The following LARP1B variants were observed in gnomAD, a reference collection of about 807,000 sequenced individuals.
LARP1B encodes the protein La ribonucleoprotein 1B, also known as la-related protein 1B.
LARP1B carries 76 observed loss-of-function variants against 114.2 expected under a neutral mutation model. The ratio of observed to expected loss-of-function variants is 0.67; its 90% CI spans 0.55 to 0.81. The LOEUF is 0.81. Among genes scored for constraint, LARP1B ranks in the 30% least tolerant of loss-of-function variants. The pLI is 0.00. For synonymous variants in LARP1B, 345 were observed against 348.0 expected (o/e 0.99, Z 0.10); for missense variants, 1,014 against 1,075.8 (o/e 0.94, Z 0.80).
chr4:128,155,495 A>C, intron 11 of LARP1B: 2 of 788,452 alleles, frequency 2.5e-6, no homozygotes, highest in Non-Finnish European at 4.6e-6. Context: ...CAGAAGTTCC[A>C]CCTCGTGCCA....
chr4:128,081,038 T>G (rs944031685), intron 4 of LARP1B, among the ~76,000 whole-genome samples: 25 of 151,784 alleles, frequency 1.6e-4, no homozygotes, highest in African/African-American at 6.0e-4. Flanking sequence ...TAAAAAAGCC[T>G]AAGAATCAAG....
At chr4:128,212,912 C>CTTTTTTTTTTTT (rs1174891101), downstream of LARP1B, among the ~76,000 whole-genome samples, 2 of 83,740 alleles carry the variant, frequency 2.4e-5, no homozygotes, top group African/African-American at 4.8e-5. Context: ...AAATCTCTCT[C>CTTTTTTTTTTTT]TTTTTTTTTT....
chr4:128,176,450 C>T (rs948101838), intron 12 of LARP1B, among the ~76,000 whole-genome samples: 34 of 151,452 alleles, frequency 2.2e-4, no homozygotes, highest in African/African-American at 7.3e-5. Context: ...CCTGCTACCA[C>T]GCCTGGCTAA....
At chr4:128,145,562 C>T (rs1465920514) in intron 11 of LARP1B, among the ~76,000 whole-genome samples, 1 of 152,196 alleles carries the variant, frequency 6.6e-6, no homozygotes, top group South Asian at 2.1e-4. Context: ...TATTGCCCCC[C>T]TCTTCCCTGC....
At chr4:128,077,696 G>T in intron 3 of LARP1B, 92 bp from the exon 4 acceptor site, 1 of 1,293,748 alleles carries the variant, frequency 7.7e-7, no homozygotes, top group Middle Eastern at 2.9e-4. Context: ...CATTTGTTTT[G>T]CAATTTTAGG....
downstream of LARP1B, among the ~76,000 whole-genome samples, chr4:128,214,505 G>A (rs542477955): frequency 2.6e-5 from 4 of 152,168 alleles, no homozygotes; most frequent in East Asian, 1.9e-4. Context: ...CCTGACCCCC[G>A]AGCAGCCTAA....
intron 11 of LARP1B, chr4:128,123,341 G>C: frequency 1.0e-6 from 1 of 985,248 alleles, no homozygotes; most frequent in Non-Finnish European, 1.2e-6. Flanking sequence ...GTCTTTCCTA[G>C]TGTAAGCATT....
chr4:128,163,023 C>T (rs1739174845), intron 12 of LARP1B, among the ~76,000 whole-genome samples: 1 of 152,030 alleles, frequency 6.6e-6, no homozygotes. Flanking sequence ...AATAGCAGGA[C>T]ATTATCATAT....
chr4:128,179,760 A>G (rs1050565593), intron 15 of LARP1B, among the ~76,000 whole-genome samples: 1 of 152,106 alleles, frequency 6.6e-6, no homozygotes, highest in Non-Finnish European at 1.5e-5. Context: ...TTTATAAGCT[A>G]TGTAGGTCTA....
intron 11 of LARP1B, among the ~76,000 whole-genome samples, chr4:128,142,048 A>G (rs1406272748): frequency 2.6e-5 from 4 of 152,172 alleles, no homozygotes; most frequent in African/African-American, 7.2e-5. Flanking sequence ...ATAGCTTCAT[A>G]CTGACTTGTC....
intron 11 of LARP1B, chr4:128,123,137 G>A: frequency 1.0e-6 from 1 of 985,384 alleles, no homozygotes; most frequent in Non-Finnish European, 1.2e-6. Context: ...AAGTGTGCTA[G>A]CCTTCTTGGC....
chr4:128,083,312 G>T (rs1263001201), intron 5 of LARP1B, among the ~76,000 whole-genome samples: 1 of 152,004 alleles, frequency 6.6e-6, no homozygotes, highest in Non-Finnish European at 1.5e-5. Context: ...ATCCTGGCCC[G>T]TTCTCAATGA....
At chr4:128,069,709 G>A (rs1315029342) in intron 1 of LARP1B, 1 of 341,030 alleles carries the variant, frequency 2.9e-6, no homozygotes, top group South Asian at 3.8e-5. Context: ...TGTATTTATG[G>A]TTGTTTTTTG....
intron 5 of LARP1B, among the ~76,000 whole-genome samples, chr4:128,088,847 T>G (rs982789326): frequency 6.7e-6 from 1 of 149,782 alleles, no homozygotes; most frequent in African/African-American, 2.4e-5. Context: ...ACACCTGTAA[T>G]CCCAACACTT....
chr4:128,153,766 A>G (rs535922104), intron 11 of LARP1B, among the ~76,000 whole-genome samples: 1 of 152,234 alleles, frequency 6.6e-6, no homozygotes, highest in East Asian at 1.9e-4. Flanking sequence ...GGACTCTAGA[A>G]CTATATTACC....
In LARP1B at chr4:128,210,749, TG is replaced by T; in HGVS notation, c.*698del. 1.0e-6 allele frequency: 1 copy of T among 985,266 alleles called. No individual in the cohort carries two copies. Among genetic ancestry groups the T allele is most frequent in the Non-Finnish European group, 1.2e-6 (1 of 829,770 alleles). 61.0% of individuals were successfully genotyped at this position (985,266 alleles called of 1,614,324 possible). A position where few individuals can be genotyped will look rare whatever the true frequency, so the allele number is the denominator to read the frequency against. On this transcript the variant is annotated 3_prime_UTR_variant, in exon 20 of 20. Transcript: ENST00000326639. ...CTCATGATTTCCACAGTTGTTGTAT[TG>T]GTGTGGAGTTTTCTGAATTGGCTAT...
intron 9 of LARP1B, chr4:128,108,266 C>G: frequency 1.9e-6 from 2 of 1,070,308 alleles, no homozygotes; most frequent in Non-Finnish European, 2.3e-6. Flanking sequence ...GTACTTGTGT[C>G]CAGATGAATA....
chr4:128,061,662 A>C (rs1760153723), intron 1 of LARP1B: 1 of 983,870 alleles, frequency 1.0e-6, no homozygotes, highest in South Asian at 4.7e-5. Context: ...CCTCGGGGCC[A>C]CCCCGGCTGG....
chr4:128,162,105 A>C, intron 11 of LARP1B, 89 bp from the exon 12 acceptor site: 1 of 1,207,394 alleles, frequency 8.3e-7, no homozygotes, highest in South Asian at 1.5e-5. Context: ...CTGTTTTAGA[A>C]GTTCATTTTT....
Sources: allele counts gnomAD v4.1 joint callset (sites outside exome capture counted in the v4.1 genomes callset), GRCh38; gene constraint gnomAD v4.1.1; transcripts MANE v1.5; gene names NCBI Gene and HGNC (gene_info 2026-07-23, HGNC 2026-07-21).